PCDHA2: variants seen among roughly 807,000 people sequenced by gnomAD.
The protein encoded by PCDHA2 is protocadherin alpha 2.
A neutral mutation model predicts 66.0 loss-of-function variants in PCDHA2; 58 were observed. The observed-to-expected ratio is 0.88, with a 90% confidence interval of 0.71 to 1.09. The LOEUF is 1.09. Ranked by LOEUF, PCDHA2 falls within the 50% of genes least tolerant of loss-of-function variation. The pLI is 0.00. For missense variants in PCDHA2, 1,267 were observed against 1,242.3 expected (o/e 1.02, Z -0.30); for synonymous variants, 634 against 554.0 (o/e 1.14, Z -2.03).
At chr5:140,857,037 T>C in intron 1 of PCDHA2, 1 of 1,596,258 alleles carries the variant, frequency 6.3e-7, no homozygotes, top group Non-Finnish European at 8.6e-7. Context: ...CCACCTATGG[T>C]TGGTCACTGC....
chr5:140,838,443 T>C (rs1554137081), intron 1 of PCDHA2, among the ~76,000 whole-genome samples: 5 of 151,752 alleles, frequency 3.3e-5, no homozygotes, highest in Non-Finnish European at 5.9e-5. Flanking sequence ...TATTGGGTTT[T>C]GTGGCATATT....
At position 140,824,400 on chromosome 5, in the gene PCDHA2, T is replaced by C. The variant is rs1554129880; in HGVS notation, c.2388+27048T>C. The C allele has an allele frequency of 7.3e-6, 4 of 544,444 alleles. No homozygotes were observed. The African/African-American group carries it at 7.7e-5, about 10-fold the overall frequency. The allele number at this position is 544,444 out of a possible 1,614,324, so 33.7% of individuals were successfully genotyped here. On this transcript the variant is annotated intron_variant, in intron 1 of 3. Transcript: ENST00000526136. ...CATCTCTAAAAATGTAGGATAATAA[T>C]TGTAAGACATAGTTTGGAGTCATTC...
Position 140,808,865 on chromosome 5 carries a change from G to A in PCDHA2, c.2388+11513G>A, listed in dbSNP as rs567779090. On this transcript the variant is annotated intron_variant, in intron 1 of 3. Transcript: ENST00000526136. ...GCAGGTGTTCGTGCTGGACGAAAAC[G>A]ACAACGCGCCAGCACTGCTAGCGCC... 59 of 1,613,122 alleles carry A rather than the reference G, an allele frequency of 3.7e-5. No individual in the cohort carries two copies. The highest frequency in any genetic ancestry group is 2.7e-4 in the Admixed American group (16 of 60,026).
At chr5:140,813,295 A>T (rs1554126164) in intron 1 of PCDHA2, 1 of 152,192 alleles carries the variant, frequency 6.6e-6, no homozygotes, top group African/African-American at 2.4e-5. Flanking sequence ...TCATTCTGAG[A>T]TTTCATCACT....
rs151227383 is a variant in PCDHA2 at position 140,808,720 on chromosome 5, T to C, written c.2388+11368T>C. 2.3e-4 allele frequency: 366 copies of C among 1,612,062 alleles called. 1 individual carries two copies. In the African/African-American group the frequency reaches 3.8e-3, roughly 17 times the overall value. The stretch of plus-strand genomic sequence containing the variant: ...CGCTGTCGAGCTACGTTTCGGTGCA[T>C]GCGGAGAGCGGCAAGGTGTACGCGC... On this transcript the variant is annotated intron_variant, in intron 1 of 3. Coordinates refer to ENST00000526136, the MANE Select transcript of PCDHA2 (RefSeq NM_018905.3).
At chr5:140,812,232 G>A (rs1320284400) in intron 1 of PCDHA2, 1 of 151,718 alleles carries the variant, frequency 6.6e-6, no homozygotes, top group Non-Finnish European at 1.5e-5. Flanking sequence ...TTATGATTAT[G>A]TCTTGGTAGT....
At chr5:140,927,360 T>G in intron 1 of PCDHA2, 1 of 1,613,972 alleles carries the variant, frequency 6.2e-7, no homozygotes, top group Non-Finnish European at 8.5e-7. Flanking sequence ...AGGGAAGCAA[T>G]GGGATACTAA....
intron 1 of PCDHA2, among the ~76,000 whole-genome samples, chr5:140,971,090 T>G (rs1554233007): frequency 1.3e-5 from 2 of 152,204 alleles, no homozygotes. Context: ...TAACAAATTC[T>G]TGTGAAGCCC....
intron 1 of PCDHA2, among the ~76,000 whole-genome samples, chr5:140,890,293 A>G (rs1423277316): frequency 6.6e-6 from 1 of 152,196 alleles, no homozygotes; most frequent in African/African-American, 2.4e-5. Flanking sequence ...AGTCAGAACC[A>G]GGAGAGGTAA....
In PCDHA2 at chr5:140,992,017, CTGTGTG is replaced by C. The variant is rs10602499; in HGVS notation, c.2536+9486_2536+9491del. On this transcript the variant is annotated intron_variant, in intron 3 of 3. Coordinates refer to ENST00000526136, the MANE Select transcript of PCDHA2 (RefSeq NM_018905.3). ...CTTTCATGTTCAGGCAGAGGTGGCT[CTGTGTG>C]TGTGTGTGTGTGTGTGTGTGTGTGT... 2.1e-3 allele frequency among the ~76,000 whole-genome samples: 300 copies of C among 145,496 alleles called. 2 individuals carry two copies. The highest frequency in any genetic ancestry group is 4.8e-3 in the African/African-American group (189 of 39,270).
rs554327220 is a variant in PCDHA2 at position 140,980,560 on chromosome 5, G to T, written c.2447+1553G>T. Reference sequence around the variant, plus strand: ...CAGGAGAATCGCTTGAACCCGGGAGGCGGAAGTTGCAGTGAGCCAAGATCG... The same window carrying T: ...CAGGAGAATCGCTTGAACCCGGGAGTCGGAAGTTGCAGTGAGCCAAGATCG... On this transcript the variant is annotated intron_variant, in intron 2 of 3. Coordinates refer to ENST00000526136, the MANE Select transcript of PCDHA2 (RefSeq NM_018905.3). Among the ~76,000 whole-genome samples the T allele has an allele frequency of 1.6e-4, 25 of 152,244 alleles. No individual in the cohort carries two copies. The East Asian group carries it at 4.6e-3, about 28-fold the overall frequency.
At chr5:140,804,812 C>T (rs1763464693) in intron 1 of PCDHA2, 2 of 318,880 alleles carry the variant, frequency 6.3e-6, no homozygotes, top group Non-Finnish European at 5.7e-6. Flanking sequence ...TAGTAACCAA[C>T]TGAAACCTGG....
Position 140,843,748 on chromosome 5 carries a change from C to A in PCDHA2, c.2388+46396C>A. On this transcript the variant is annotated intron_variant, in intron 1 of 3. Coordinates refer to ENST00000526136, the MANE Select transcript of PCDHA2 (RefSeq NM_018905.3). ...CATTTAAATTTAGAACTCATAAATT[C>A]TATTTGTGGAAATTGTAGTTACTTT... is the stretch of plus-strand genomic sequence containing the variant. 1.3e-6 allele frequency: 2 copies of A among 1,523,192 alleles called. 1 individual carries two copies. Among genetic ancestry groups the A allele is most frequent in the Non-Finnish European group, 1.8e-6 (2 of 1,110,082 alleles). 94.4% of individuals were successfully genotyped at this position (1,523,192 alleles called of 1,614,324 possible). A position where few individuals can be genotyped will look rare whatever the true frequency, so the allele number is the denominator to read the frequency against.
Position 141,010,230 on chromosome 5 carries a change from C to T in PCDHA2, c.*293C>T. The T allele has an allele frequency of 1.3e-6, 2 of 1,551,936 alleles. No homozygotes were observed. Among genetic ancestry groups the T allele is most frequent in the African/African-American group, 1.4e-5 (1 of 73,162 alleles). Reference sequence around the variant, plus strand: ...GCAAAGGAGAGGCTTCCCAGCCCCGCCAGTGAGAGGTTGGACTCTCTGCCC... The same window carrying T: ...GCAAAGGAGAGGCTTCCCAGCCCCGTCAGTGAGAGGTTGGACTCTCTGCCC... On this transcript the variant is annotated 3_prime_UTR_variant, in exon 4 of 4. Transcript: ENST00000526136.
At chr5:140,911,614 G>C (rs1298073663) in intron 1 of PCDHA2, among the ~76,000 whole-genome samples, 1 of 152,152 alleles carries the variant, frequency 6.6e-6, no homozygotes, top group Non-Finnish European at 1.5e-5. Flanking sequence ...ATGTTCCTTA[G>C]TTCCCCACAT....
At chr5:140,999,033 G>A (rs1029128098) in intron 3 of PCDHA2, among the ~76,000 whole-genome samples, 6 of 152,148 alleles carry the variant, frequency 3.9e-5, no homozygotes, top group African/African-American at 1.4e-4. Context: ...TTGATACTTC[G>A]TCCAGTGTGC....
At position 140,796,242 on chromosome 5, in the gene PCDHA2, C is replaced by T. The variant is rs368800927; in HGVS notation, c.1278C>T (p.Thr426=). Residue 426 remains threonine, a synonymous_variant, in exon 1 of 4, where the codon ACC becomes ACT. Coordinates refer to ENST00000526136, the MANE Select transcript of PCDHA2 (RefSeq NM_018905.3). ...ESVSAYELVV[T]ARDGGSPSLW... ...TGTCAGCCTATGAGCTGGTGGTGAC[C>T]GCACGGGACGGGGGCTCGCCTTCAC... is the stretch of plus-strand genomic sequence containing the variant. 15 of 1,614,150 alleles carry T rather than the reference C, an allele frequency of 9.3e-6. No individual in the cohort carries two copies. Among genetic ancestry groups the T allele is most frequent in the Middle Eastern group, 1.7e-4 (1 of 6,046 alleles).
At chr5:140,824,378 CT>C in intron 1 of PCDHA2, 1 of 565,876 alleles carries the variant, frequency 1.8e-6, no homozygotes, top group Non-Finnish European at 3.1e-6. Context: ...AATTTTGCAT[CT>C]CTAAAAATGT....
intron 1 of PCDHA2, chr5:140,816,075 T>G (rs1464716932): frequency 6.6e-6 from 1 of 152,232 alleles, no homozygotes; most frequent in African/African-American, 2.4e-5. Flanking sequence ...AGATGTAATT[T>G]TAAAAAATAA....
Sources: gnomAD v4.1 joint callset for allele counts (sites outside exome capture counted in the v4.1 genomes callset) on GRCh38, gnomAD v4.1.1 for gene constraint, MANE v1.5 for transcripts, NCBI Gene and HGNC (gene_info 2026-07-23, HGNC 2026-07-21) for gene names.